The following PPP3CA variants were observed in gnomAD, a reference collection of about 807,000 sequenced individuals.
PPP3CA encodes protein phosphatase 3 catalytic subunit alpha.
PPP3CA carries 14 observed loss-of-function variants against 66.5 expected under a neutral mutation model. The observed-to-expected ratio is 0.21, with a 90% CI of 0.14 to 0.33. PPP3CA has a LOEUF of 0.33. Among genes scored for constraint, PPP3CA ranks in the 10% least tolerant of loss-of-function variants. The pLI, the probability that PPP3CA is intolerant of heterozygous loss-of-function variation, is 1.00. For missense variants in PPP3CA, 317 were observed against 639.5 expected (o/e 0.50, Z 5.44); for synonymous variants, 232 against 226.2 (o/e 1.03, Z -0.23).
intron 7 of PPP3CA, among the ~76,000 whole-genome samples, chr4:101,082,134 A>G (rs1053859170): frequency 1.3e-5 from 2 of 152,252 alleles, no homozygotes; most frequent in African/African-American, 4.8e-5. Context: ...CCAAAATAGC[A>G]TAGTGACACC....
chr4:101,248,836 G>C (rs1726574361), intron 1 of PPP3CA, among the ~76,000 whole-genome samples: 1 of 152,186 alleles, frequency 6.6e-6, no homozygotes, highest in Non-Finnish European at 1.5e-5. Context: ...TCATCTGTCA[G>C]AGAATCTTAA....
chr4:101,060,664 C>T (rs988760142), intron 10 of PPP3CA, among the ~76,000 whole-genome samples: 1 of 152,016 alleles, frequency 6.6e-6, no homozygotes, highest in African/African-American at 2.4e-5. Context: ...TATGTAAATG[C>T]CTTTTTCATC....
intron 1 of PPP3CA, among the ~76,000 whole-genome samples, chr4:101,273,915 A>T (rs2110269388): frequency 6.6e-6 from 1 of 152,298 alleles, no homozygotes; most frequent in Non-Finnish European, 1.5e-5. Context: ...TATTTAACTT[A>T]AATTTTATAA....
At chr4:101,277,001 ATTAGGACCTGATATTT>A (rs1727516552) in intron 1 of PPP3CA, among the ~76,000 whole-genome samples, 1 of 21,638 alleles carries the variant, frequency 4.6e-5, no homozygotes, top group African/African-American at 1.2e-4. Flanking sequence ...TTTTCAAAAT[ATTAGGACCTGATATTT>A]TCAGGTCCTA....
At chr4:101,043,234 T>C (rs1474932918) in intron 10 of PPP3CA, among the ~76,000 whole-genome samples, 1 of 152,004 alleles carries the variant, frequency 6.6e-6, no homozygotes, top group East Asian at 1.9e-4. Context: ...TGAAGAATAA[T>C]CTCACAGAAG....
At chr4:101,106,130 C>G (rs1185925797) in intron 3 of PPP3CA, among the ~76,000 whole-genome samples, 1 of 151,798 alleles carries the variant, frequency 6.6e-6, no homozygotes, top group Non-Finnish European at 1.5e-5. Context: ...GGAGACCAGC[C>G]TGGGCAACTT....
At chr4:101,255,096 C>A (rs991930800) in intron 1 of PPP3CA, among the ~76,000 whole-genome samples, 8 of 145,038 alleles carry the variant, frequency 5.5e-5, no homozygotes, top group South Asian at 4.3e-4. Flanking sequence ...TTATACAGGA[C>A]AAAGTTCCTC....
intron 10 of PPP3CA, among the ~76,000 whole-genome samples, chr4:101,055,703 T>A (rs981953571): frequency 1.2e-4 from 18 of 152,112 alleles, no homozygotes; most frequent in Non-Finnish European, 2.2e-4. Flanking sequence ...TCTGCTCAGA[T>A]ACACCTAAAT....
intron 1 of PPP3CA, among the ~76,000 whole-genome samples, chr4:101,258,306 G>C (rs1726908246): frequency 1.3e-5 from 2 of 152,206 alleles, no homozygotes; most frequent in South Asian, 4.1e-4. Context: ...CTATGGTCTA[G>C]ATCCCTCAAG....
chr4:101,088,119 T>C (rs1361266385), intron 6 of PPP3CA, among the ~76,000 whole-genome samples: 4 of 152,048 alleles, frequency 2.6e-5, no homozygotes, highest in African/African-American at 9.7e-5. Context: ...TCAGATTGTC[T>C]GTCTCTCTCT....
chr4:101,228,508 T>C (rs549373920), intron 1 of PPP3CA, among the ~76,000 whole-genome samples: 1 of 151,704 alleles, frequency 6.6e-6, no homozygotes, highest in South Asian at 2.1e-4. Flanking sequence ...AATGGAATTT[T>C]ACATTTTCTT....
intron 2 of PPP3CA, among the ~76,000 whole-genome samples, chr4:101,167,237 T>C (rs1009669337): frequency 9.2e-5 from 14 of 152,170 alleles, no homozygotes; most frequent in African/African-American, 3.4e-4. Flanking sequence ...GACATCACTA[T>C]AGAGGCTCTT....
chr4:101,039,808 G>A (rs1273536051), intron 11 of PPP3CA, among the ~76,000 whole-genome samples: 2 of 144,058 alleles, frequency 1.4e-5, no homozygotes, highest in Non-Finnish European at 3.1e-5. Context: ...CTATTTACTC[G>A]CTAATATGTA....
At chr4:101,171,372 A>G (rs892752193) in intron 2 of PPP3CA, 1 of 351,830 alleles carries the variant, frequency 2.8e-6, no homozygotes, top group Non-Finnish European at 5.5e-6. Context: ...AAAACCCTTC[A>G]AAGAAGGTTG....
intron 2 of PPP3CA, among the ~76,000 whole-genome samples, chr4:101,125,244 C>T (rs1413520293): frequency 6.6e-6 from 1 of 152,220 alleles, no homozygotes; most frequent in African/African-American, 2.4e-5. Context: ...TAAACACCGC[C>T]TTCAGGCGCA....
chr4:101,204,950 T>C (rs181389554), intron 1 of PPP3CA, among the ~76,000 whole-genome samples: 91 of 149,912 alleles, frequency 6.1e-4, no homozygotes, highest in Non-Finnish European at 8.6e-4. Context: ...CACCATGAGG[T>C]ACCCCAACTA....
chr4:101,084,741 C>G (rs1022648035), intron 6 of PPP3CA, among the ~76,000 whole-genome samples: 2 of 152,000 alleles, frequency 1.3e-5, no homozygotes, highest in Non-Finnish European at 2.9e-5. Context: ...TGAAAACAGT[C>G]TCTGTTCATG....
chr4:101,289,733 T>A (rs1289144516), intron 1 of PPP3CA, among the ~76,000 whole-genome samples: 1 of 152,208 alleles, frequency 6.6e-6, no homozygotes, highest in Non-Finnish European at 1.5e-5. Context: ...TAAACTTACC[T>A]TTCATTTTAC....
chr4:101,109,935 T>A (rs1721614438), intron 2 of PPP3CA, among the ~76,000 whole-genome samples: 1 of 152,136 alleles, frequency 6.6e-6, no homozygotes, highest in African/African-American at 2.4e-5. Context: ...ATACAGATAA[T>A]GAAATAATAT....
Sources: allele counts gnomAD v4.1 joint callset (sites outside exome capture counted in the v4.1 genomes callset), GRCh38; gene constraint gnomAD v4.1.1; transcripts MANE v1.5; gene names NCBI Gene and HGNC (gene_info 2026-07-23, HGNC 2026-07-21).